The following FGFR2 variants were observed in gnomAD, a reference collection of about 807,000 sequenced individuals.
The protein encoded by FGFR2 is BEK fibroblast growth factor receptor.
In FGFR2, 19 loss-of-function variants were observed where a neutral mutation model predicts 95.9. The observed-to-expected ratio is 0.20, with a 90% confidence interval of 0.14 to 0.29. The LOEUF (loss-of-function observed/expected upper bound fraction) is 0.29, where lower values mean the gene tolerates loss of function less well. FGFR2 is among the 10% of genes least tolerant of loss of function. FGFR2 has a pLI of 1.00. For synonymous variants in FGFR2, 392 were observed against 393.3 expected (o/e 1.00, Z 0.04); for missense variants, 707 against 1,056.9 (o/e 0.67, Z 4.59).
chr10:121,487,840 T>C, intron 14 of FGFR2, 151 bp downstream of exon 14: 1 of 946,694 alleles, frequency 1.1e-6, no homozygotes, highest in Non-Finnish European at 1.6e-6. Flanking sequence ...TATTGAGAGT[T>C]TGTGAATAGT....
In FGFR2 at chr10:121,594,355, C is replaced by T. The variant is rs3135718; in HGVS notation, c.-150-388G>A. On this transcript the variant is annotated intron_variant, in intron 1 of 17. Transcript: ENST00000358487. ...ACTACAAAAGCAAGTTAAAAATGCT[C>T]GGGTTGGCATAACCAACCTCGTTCC... 0.55 allele frequency among the ~76,000 whole-genome samples: 83,049 copies of T among 152,028 alleles called. 23,149 individuals carry two copies. The highest frequency in any genetic ancestry group is 0.61 in the East Asian group (3,169 of 5,172).
At chr10:121,503,727 A>C in intron 10 of FGFR2, 63 bp downstream of exon 10, 1 of 1,572,764 alleles carries the variant, frequency 6.4e-7, no homozygotes, top group East Asian at 2.2e-5. Context: ...AGAAAATGTT[A>C]ATCCAATATC....
Position 121,531,729 on chromosome 10 carries a change from G to A in FGFR2, c.748+6863C>T, listed in dbSNP as rs535547161. Among the ~76,000 whole-genome samples, 1 of 152,274 alleles carries A rather than the reference G, an allele frequency of 6.6e-6. No homozygotes were observed. The highest frequency in any genetic ancestry group is 1.9e-4 in the East Asian group (1 of 5,174). ...TGCCTTTTCTAAGGCCATAGAGTTAGCAAGGGTGGAAACAGAACTTGACAC... is the reference window on the plus strand; with the variant it reads ...TGCCTTTTCTAAGGCCATAGAGTTAACAAGGGTGGAAACAGAACTTGACAC... On this transcript the variant is annotated intron_variant, in intron 6 of 17. Transcript: ENST00000358487. This position sits in a 1 kb window ranked among gnomAD's most constrained non-coding sequence, Gnocchi z 4.5.
chr10:121,546,185 T>TA (rs35408469), intron 5 of FGFR2, among the ~76,000 whole-genome samples: 91,213 of 135,412 alleles, frequency 0.67, 31,481 homozygotes, highest in East Asian at 0.83. Context: ...ACCTCTTTAT[T>TA]AAAAAAAAAA....
chr10:121,517,587 C>A lies in FGFR2; in HGVS notation c.940-124G>T. On this transcript the variant is annotated intron_variant, in intron 7 of 17. Transcript: ENST00000358487. The surrounding 1 kb of genome is among the most constrained non-coding windows in gnomAD (Gnocchi z 4.7). ...GGTGCTGGCCACTGGGAGATTCCGA[C>A]TGCAGCCCATCCACAAAGCCCACAA... 1 of 1,094,716 alleles carries A rather than the reference C, an allele frequency of 9.1e-7. No homozygotes were observed. 67.8% of individuals were successfully genotyped at this position (1,094,716 alleles called of 1,614,324 possible).
At chr10:121,565,048 C>A (rs757079338) in intron 3 of FGFR2, among the ~76,000 whole-genome samples, 4 of 152,022 alleles carry the variant, frequency 2.6e-5, no homozygotes, top group Non-Finnish European at 4.4e-5. Flanking sequence ...ACAAAGGGGG[C>A]CTGTTCTGTC....
intron 2 of FGFR2, among the ~76,000 whole-genome samples, chr10:121,581,673 G>T (rs1860910263): frequency 6.6e-6 from 1 of 150,696 alleles, no homozygotes; most frequent in African/African-American, 2.4e-5. Flanking sequence ...GACCGCTTGA[G>T]CCCAGGAGGT....
intron 2 of FGFR2, among the ~76,000 whole-genome samples, chr10:121,589,399 TAA>T (rs1862295319): frequency 1.3e-5 from 2 of 152,256 alleles, no homozygotes; most frequent in Non-Finnish European, 2.9e-5. Flanking sequence ...AATTATTTGT[TAA>T]GTCTGATATT....
intron 17 of FGFR2, among the ~76,000 whole-genome samples, chr10:121,482,785 C>T (rs1437176108): frequency 6.6e-6 from 1 of 152,124 alleles, no homozygotes; most frequent in Non-Finnish European, 1.5e-5. Flanking sequence ...ATTTTGTTGG[C>T]AAGGATCATA....
At chr10:121,481,389 G>GACACAC (rs71868012) in intron 17 of FGFR2, among the ~76,000 whole-genome samples, 2 of 149,900 alleles carry the variant, frequency 1.3e-5, no homozygotes, top group African/African-American at 4.9e-5. Flanking sequence ...CATTTTTAAA[G>GACACAC]ACACACACAC....
intron 6 of FGFR2, among the ~76,000 whole-genome samples, chr10:121,528,527 T>C (rs1242484617): frequency 2.6e-5 from 4 of 152,144 alleles, no homozygotes; most frequent in African/African-American, 9.7e-5. Flanking sequence ...GTCTAGAAAA[T>C]CTATCATGCT....
intron 2 of FGFR2, among the ~76,000 whole-genome samples, chr10:121,576,314 C>T (rs909912362): frequency 6.6e-6 from 1 of 152,216 alleles, no homozygotes; most frequent in Non-Finnish European, 1.5e-5. Flanking sequence ...AAGTCCTGCA[C>T]GCCCCGGCTT....
At chr10:121,497,144 A>AG (rs1471299802) in intron 12 of FGFR2, among the ~76,000 whole-genome samples, 2 of 151,508 alleles carry the variant, frequency 1.3e-5, no homozygotes, top group African/African-American at 4.8e-5. Flanking sequence ...AAAAAAAAAA[A>AG]AAAAAGAAGA....
intron 2 of FGFR2, among the ~76,000 whole-genome samples, chr10:121,590,952 C>T (rs947316892): frequency 1.3e-5 from 2 of 152,182 alleles, no homozygotes; most frequent in African/African-American, 4.8e-5. Flanking sequence ...AACTGATGGA[C>T]AGGGGCACAG....
In FGFR2 at chr10:121,487,980, C is replaced by T. The variant is rs866079148; in HGVS notation, c.1986+11G>A. On this transcript the variant is annotated intron_variant, in intron 14 of 17. Coordinates refer to ENST00000358487, the MANE Select transcript of FGFR2 (RefSeq NM_000141.5). ...CCGCCCCTGCCCACTGTGTTACTGC[C>T]ATCGACTTACATTGGTGGTCTTTTT... 1 of 1,614,096 alleles carries T rather than the reference C, an allele frequency of 6.2e-7. No homozygotes were observed. The highest frequency in any genetic ancestry group is 8.5e-7 in the Non-Finnish European group (1 of 1,179,986).
intron 6 of FGFR2, chr10:121,526,797 C>T (rs1351444051): frequency 2.5e-6 from 1 of 398,500 alleles, no homozygotes; most frequent in African/African-American, 2.1e-5. Context: ...CCCTCACAGG[C>T]TTGGCACATG....
At chr10:121,527,884 G>C (rs947677545) in intron 6 of FGFR2, 2 of 152,234 alleles carry the variant, frequency 1.3e-5, no homozygotes, top group African/African-American at 2.4e-5. Context: ...TGGGAGTCAC[G>C]TCAGAGCCTC....
chr10:121,524,098 G>C (rs1244119001), intron 6 of FGFR2, among the ~76,000 whole-genome samples: 1 of 113,222 alleles, frequency 8.8e-6, no homozygotes, highest in Admixed American at 8.5e-5. Flanking sequence ...TCCCGGCTAT[G>C]TATACACACA....
At chr10:121,569,956 T>C (rs964270374) in intron 2 of FGFR2, among the ~76,000 whole-genome samples, 6 of 151,444 alleles carry the variant, frequency 4.0e-5, no homozygotes, top group African/African-American at 1.5e-4. Flanking sequence ...GAGAAAGAGG[T>C]TGGGGAGAAT....
Sources: gnomAD v4.1 joint callset for allele counts (sites outside exome capture counted in the v4.1 genomes callset) on GRCh38, gnomAD v4.1.1 for gene constraint, Gnocchi (gnomAD v3.1) non-coding constraint, MANE v1.5 for transcripts, NCBI Gene and HGNC (gene_info 2026-07-23, HGNC 2026-07-21) for gene names.